The following SLC10A7 variants were observed in gnomAD, a reference collection of about 807,000 sequenced individuals.
SLC10A7 encodes the protein sodium/bile acid cotransporter 7.
A neutral mutation model predicts 43.2 loss-of-function variants in SLC10A7; 29 were observed. The ratio of observed to expected loss-of-function variants is 0.67; its 90% CI spans 0.50 to 0.92. The LOEUF (loss-of-function observed/expected upper bound fraction) is 0.92. Ranked by LOEUF, SLC10A7 falls within the 40% of genes least tolerant of loss-of-function variation. The pLI is 0.00. For missense variants in SLC10A7, 295 were observed against 403.2 expected (o/e 0.73, Z 2.30); for synonymous variants, 152 against 144.8 (o/e 1.05, Z -0.35).
intron 5 of SLC10A7, among the ~76,000 whole-genome samples, chr4:146,390,191 C>A (rs1738317875): frequency 6.6e-6 from 1 of 152,068 alleles, no homozygotes. Flanking sequence ...TAAACCTGTT[C>A]ACAAGAAACT....
chr4:146,268,082 A>G (rs949045520), intron 10 of SLC10A7, among the ~76,000 whole-genome samples: 6 of 152,172 alleles, frequency 3.9e-5, no homozygotes, highest in Admixed American at 6.5e-5. Flanking sequence ...GTGCTGCACA[A>G]ACTGGACCTA....
At chr4:146,507,297 C>G (rs1043790321) in intron 3 of SLC10A7, among the ~76,000 whole-genome samples, 1 of 152,172 alleles carries the variant, frequency 6.6e-6, no homozygotes, top group Non-Finnish European at 1.5e-5. Flanking sequence ...CGCAGTGGCT[C>G]ACGCCTTTAA....
chr4:146,274,752 A>G (rs865929504), intron 10 of SLC10A7, among the ~76,000 whole-genome samples: 5 of 152,166 alleles, frequency 3.3e-5, no homozygotes, highest in Non-Finnish European at 5.9e-5. Flanking sequence ...GGCCTACTGC[A>G]TTTGTTTTAA....
intron 6 of SLC10A7, among the ~76,000 whole-genome samples, chr4:146,314,054 A>G (rs1034984801): frequency 6.6e-6 from 1 of 152,164 alleles, no homozygotes; most frequent in Non-Finnish European, 1.5e-5. Context: ...TGGAAGGGGC[A>G]TTCAAGGGGA....
At chr4:146,335,422 G>A (rs1733829327) in intron 5 of SLC10A7, among the ~76,000 whole-genome samples, 1 of 152,016 alleles carries the variant, frequency 6.6e-6, no homozygotes, top group Non-Finnish European at 1.5e-5. Flanking sequence ...AGAAGCAGTG[G>A]ACTGCATTCC....
intron 4 of SLC10A7, among the ~76,000 whole-genome samples, chr4:146,464,294 G>A (rs987315588): frequency 2.0e-5 from 3 of 152,066 alleles, no homozygotes; most frequent in African/African-American, 7.2e-5. Flanking sequence ...AAAACAGTAC[G>A]CATTGTATGA....
At chr4:146,414,449 C>T (rs1327007961) in intron 5 of SLC10A7, among the ~76,000 whole-genome samples, 3 of 152,078 alleles carry the variant, frequency 2.0e-5, no homozygotes, top group Admixed American at 6.6e-5. Context: ...AGATGCCAGG[C>T]ACGGTGGCTC....
chr4:146,480,831 A>T (rs1241752138), intron 4 of SLC10A7, among the ~76,000 whole-genome samples: 3 of 152,192 alleles, frequency 2.0e-5, no homozygotes, highest in Non-Finnish European at 1.5e-5. Flanking sequence ...GCTGCTAGGG[A>T]TCTTTCTCTC....
intron 4 of SLC10A7, among the ~76,000 whole-genome samples, chr4:146,450,645 A>G (rs1283378358): frequency 6.6e-6 from 1 of 152,212 alleles, no homozygotes; most frequent in African/African-American, 2.4e-5. Context: ...AGCACTGTGT[A>G]AAAGCAACTG....
At chr4:146,506,855 T>C (rs573072504) in intron 3 of SLC10A7, among the ~76,000 whole-genome samples, 5 of 152,166 alleles carry the variant, frequency 3.3e-5, no homozygotes, top group African/African-American at 1.2e-4. Flanking sequence ...TTTTTAGCCC[T>C]AACTACAATT....
At chr4:146,465,480 G>C (rs994915881) in intron 4 of SLC10A7, among the ~76,000 whole-genome samples, 1 of 148,880 alleles carries the variant, frequency 6.7e-6, no homozygotes, top group Admixed American at 6.9e-5. Context: ...CTATCTCTGG[G>C]AGATATAACT....
At chr4:146,258,490 A>T (rs1250057929) in intron 11 of SLC10A7, among the ~76,000 whole-genome samples, 1 of 152,242 alleles carries the variant, frequency 6.6e-6, no homozygotes. Context: ...ATTGTCTTTT[A>T]TAACAATTTA....
chr4:146,486,404 C>T (rs1258584028), intron 4 of SLC10A7, among the ~76,000 whole-genome samples: 1 of 152,166 alleles, frequency 6.6e-6, no homozygotes, highest in Non-Finnish European at 1.5e-5. Flanking sequence ...CTATTTTAAG[C>T]AACACATATT....
At chr4:146,260,251 T>C (rs903937774) in intron 10 of SLC10A7, among the ~76,000 whole-genome samples, 2 of 152,196 alleles carry the variant, frequency 1.3e-5, no homozygotes, top group African/African-American at 4.8e-5. Flanking sequence ...TCTGATACTA[T>C]AGTTTTGAAA....
chr4:146,333,576 G>A (rs1733680178), intron 5 of SLC10A7, among the ~76,000 whole-genome samples: 1 of 152,146 alleles, frequency 6.6e-6, no homozygotes, highest in African/African-American at 2.4e-5. Flanking sequence ...CAGGCAGAGG[G>A]AAGAGACTAT....
At chr4:146,483,083 A>G (rs1734623496) in intron 4 of SLC10A7, among the ~76,000 whole-genome samples, 1 of 152,210 alleles carries the variant, frequency 6.6e-6, no homozygotes, top group South Asian at 2.1e-4. Flanking sequence ...TACAAGAAGT[A>G]CTAAAAGGAG....
intron 4 of SLC10A7, among the ~76,000 whole-genome samples, chr4:146,488,752 G>A (rs1016964861): frequency 3.9e-5 from 6 of 152,270 alleles, no homozygotes; most frequent in East Asian, 3.9e-4. Context: ...CAGAATAGGC[G>A]TGAATAATTG....
rs748313394 is a variant in SLC10A7 at position 146,442,768 on chromosome 4, A to T, written c.435+15T>A. 1 of 1,603,116 alleles carries T rather than the reference A, an allele frequency of 6.2e-7. No homozygotes were observed. Among genetic ancestry groups the T allele is most frequent in the South Asian group, 1.1e-5 (1 of 88,162 alleles). ...GCAAAAGTTGTAATAGACAAGTTAAACTATGTTTACTTACCAAAAAACTTC... is the reference window on the plus strand; with the variant it reads ...GCAAAAGTTGTAATAGACAAGTTAATCTATGTTTACTTACCAAAAAACTTC... On this transcript the variant is annotated intron_variant, in intron 5 of 11. Coordinates refer to ENST00000335472, the MANE Select transcript of SLC10A7 (RefSeq NM_001029998.6).
At chr4:146,270,089 T>C (rs2111045002) in intron 10 of SLC10A7, among the ~76,000 whole-genome samples, 1 of 152,262 alleles carries the variant, frequency 6.6e-6, no homozygotes, top group African/African-American at 2.4e-5. Flanking sequence ...CAGACTTATT[T>C]GTTCTTAGAT....
Sources: gnomAD v4.1 joint callset for allele counts (sites outside exome capture counted in the v4.1 genomes callset) on GRCh38, gnomAD v4.1.1 for gene constraint, MANE v1.5 for transcripts, NCBI Gene and HGNC (gene_info 2026-07-23, HGNC 2026-07-21) for gene names.